The following NTM variants were observed in gnomAD, a reference collection of about 807,000 sequenced individuals.
The protein encoded by NTM is neurotrimin.
NTM carries 13 observed loss-of-function variants against 42.1 expected under a neutral mutation model. That is an observed-to-expected ratio of 0.31 (90% CI 0.20 to 0.49). The LOEUF (loss-of-function observed/expected upper bound fraction) is 0.49, where lower values mean the gene tolerates loss of function less well. NTM is among the 20% of genes least tolerant of loss of function. The probability of loss-of-function intolerance (pLI) is 0.99; values close to 1 mark genes in which losing one functional copy is unlikely to be tolerated. For missense variants in NTM, 373 were observed against 452.8 expected (o/e 0.82, Z 1.60); for synonymous variants, 187 against 179.2 (o/e 1.04, Z -0.35).
intron 3 of NTM, among the ~76,000 whole-genome samples, chr11:132,154,367 C>T (rs2072683919): frequency 6.6e-6 from 1 of 152,130 alleles, no homozygotes; most frequent in African/African-American, 2.4e-5. Flanking sequence ...AAGAATACAT[C>T]CAATCCCAAC....
At chr11:131,696,188 G>T (rs1054623708) in intron 1 of NTM, among the ~76,000 whole-genome samples, 3 of 152,164 alleles carry the variant, frequency 2.0e-5, no homozygotes, top group African/African-American at 7.2e-5. Flanking sequence ...GGTAGTATGG[G>T]GTGTGGGGTG....
intron 2 of NTM, among the ~76,000 whole-genome samples, chr11:132,085,583 T>C (rs533232964): frequency 2.0e-5 from 3 of 152,384 alleles, no homozygotes; most frequent in South Asian, 4.1e-4. Context: ...TTCTCAAAGA[T>C]TAAAGTCACA....
chr11:131,407,876 T>G (rs1034342453), intron 1 of NTM, among the ~76,000 whole-genome samples: 7 of 152,200 alleles, frequency 4.6e-5, no homozygotes, highest in African/African-American at 1.7e-4. Flanking sequence ...CTGTGCCTTT[T>G]AATAAATGGT....
At chr11:131,598,018 T>G (rs1189348710) in intron 1 of NTM, among the ~76,000 whole-genome samples, 1 of 152,174 alleles carries the variant, frequency 6.6e-6, no homozygotes, top group Non-Finnish European at 1.5e-5. Flanking sequence ...CCTCCAGCCC[T>G]TACGCTGGGA....
chr11:132,280,005 G>T (rs977926958), intron 4 of NTM, among the ~76,000 whole-genome samples: 1 of 152,188 alleles, frequency 6.6e-6, no homozygotes, highest in Non-Finnish European at 1.5e-5. Flanking sequence ...GACCGCCATG[G>T]TAAACAGGAC....
chr11:131,742,510 T>C (rs2081318102), intron 1 of NTM, among the ~76,000 whole-genome samples: 1 of 152,204 alleles, frequency 6.6e-6, no homozygotes, highest in African/African-American at 2.4e-5. Flanking sequence ...TAATCTGAAT[T>C]ATGATACAGT....
chr11:131,543,003 C>A (rs568668104), intron 1 of NTM, among the ~76,000 whole-genome samples: 1 of 152,310 alleles, frequency 6.6e-6, no homozygotes, highest in Admixed American at 6.5e-5. Context: ...GTGCCCCTTC[C>A]TCTGGACGCC....
intron 1 of NTM, among the ~76,000 whole-genome samples, chr11:131,686,528 G>C (rs2073895218): frequency 6.6e-6 from 1 of 152,206 alleles, no homozygotes; most frequent in Admixed American, 6.5e-5. Context: ...AAGAGGAGGA[G>C]GAGGAAGGAG....
chr11:132,085,512 C>A (rs183599075), intron 2 of NTM, among the ~76,000 whole-genome samples: 1 of 152,176 alleles, frequency 6.6e-6, no homozygotes, highest in African/African-American at 2.4e-5. Flanking sequence ...ATAATTTAGA[C>A]CACCTATTTA....
chr11:131,395,831 T>C (rs1411738061), intron 1 of NTM, among the ~76,000 whole-genome samples: 1 of 152,212 alleles, frequency 6.6e-6, no homozygotes, highest in Non-Finnish European at 1.5e-5. Flanking sequence ...CTACCAGATG[T>C]CAACCCAGTT....
intron 1 of NTM, among the ~76,000 whole-genome samples, chr11:131,616,778 G>GGTGTGT (rs59890572): frequency 3.7e-4 from 53 of 141,982 alleles, no homozygotes; most frequent in Admixed American, 6.3e-4. Context: ...GTCTTGAGGG[G>GGTGTGT]GTGTGTGTGT....
In NTM at chr11:132,078,806, G is replaced by A. The variant is rs183363690; in HGVS notation, c.168-67476G>A. Among the ~76,000 whole-genome samples, 11 of 152,294 alleles carry A rather than the reference G, an allele frequency of 7.2e-5. No individual in the cohort carries two copies. The East Asian group carries it at 1.7e-3, about 24-fold the overall frequency. ...ATCAAAATGTTGTTCTTTAAGAGCCGTTGGATCTGTAAGGCTTATGAGCCT... is the reference window on the plus strand; with the variant it reads ...ATCAAAATGTTGTTCTTTAAGAGCCATTGGATCTGTAAGGCTTATGAGCCT... On this transcript the variant is annotated intron_variant, in intron 2 of 8. Transcript: ENST00000683400.
At chr11:131,552,076 A>AGGCAAGTTAAGACCACAGT (rs1254071020) in intron 1 of NTM, among the ~76,000 whole-genome samples, 2 of 152,106 alleles carry the variant, frequency 1.3e-5, no homozygotes, top group Admixed American at 1.3e-4. Context: ...TAACACAGAG[A>AGGCAAGTTAAGACCACAGT]GGCAAGTTAA....
intron 1 of NTM, among the ~76,000 whole-genome samples, chr11:131,839,701 T>A (rs2136657476): frequency 6.6e-6 from 1 of 152,336 alleles, no homozygotes; most frequent in South Asian, 2.1e-4. Context: ...TTGAAAAGAC[T>A]CATGGATTAG....
At chr11:132,222,180 C>T (rs1361586301) in intron 4 of NTM, among the ~76,000 whole-genome samples, 3 of 152,140 alleles carry the variant, frequency 2.0e-5, no homozygotes, top group African/African-American at 7.2e-5. Flanking sequence ...AGGACAGAGC[C>T]CTTGTGTGGA....
intron 2 of NTM, among the ~76,000 whole-genome samples, chr11:131,994,205 T>C (rs1565904601): frequency 6.6e-6 from 1 of 152,188 alleles, no homozygotes; most frequent in Non-Finnish European, 1.5e-5. Flanking sequence ...GAAGAACAGT[T>C]GTATTCTTTA....
At chr11:131,906,463 T>C (rs974388321) in intron 1 of NTM, among the ~76,000 whole-genome samples, 3 of 152,152 alleles carry the variant, frequency 2.0e-5, no homozygotes, top group East Asian at 3.9e-4. Context: ...GAATGGATTA[T>C]ACTAAAGATC....
chr11:131,788,428 CT>C (rs2089624843), intron 1 of NTM, among the ~76,000 whole-genome samples: 1 of 151,878 alleles, frequency 6.6e-6, no homozygotes, highest in South Asian at 2.1e-4. Flanking sequence ...TGGTGGCTCT[CT>C]TTTGTATTTT....
At chr11:131,513,098 G>T (rs1407529436) in intron 1 of NTM, among the ~76,000 whole-genome samples, 1 of 152,144 alleles carries the variant, frequency 6.6e-6, no homozygotes, top group Non-Finnish European at 1.5e-5. Flanking sequence ...CTCCAGGAAG[G>T]CTCCATGGCT....
Sources: gnomAD v4.1 joint callset for allele counts (sites outside exome capture counted in the v4.1 genomes callset) on GRCh38, gnomAD v4.1.1 for gene constraint, MANE v1.5 for transcripts, NCBI Gene and HGNC (gene_info 2026-07-23, HGNC 2026-07-21) for gene names.